The following AHNAK variants were observed in gnomAD, a reference collection of about 807,000 sequenced individuals.
AHNAK encodes AHNAK nucleoprotein, also known as neuroblast differentiation-associated protein AHNAK.
Under a neutral mutation model 37.8 loss-of-function variants are expected in AHNAK, and 23 were observed. The ratio of observed to expected loss-of-function variants is 0.61; its 90% CI spans 0.44 to 0.86. AHNAK has a LOEUF of 0.86. Among genes scored for constraint, AHNAK ranks in the 40% least tolerant of loss-of-function variants. AHNAK has a pLI of 0.00. For missense variants in AHNAK, 7,411 were observed against 7,319.4 expected (o/e 1.01, Z -0.46); for synonymous variants, 2,481 against 2,636.3 (o/e 0.94, Z 1.80).
chr11:62,513,114 C>T (rs1033556725), downstream of AHNAK, among the ~76,000 whole-genome samples: 1 of 152,222 alleles, frequency 6.6e-6, no homozygotes, highest in African/African-American at 2.4e-5. Context: ...GCAATTGCTC[C>T]TTGCTGAACT....
At chr11:62,502,227 G>A (rs1225330833) in intron 4 of AHNAK, among the ~76,000 whole-genome samples, 1 of 152,150 alleles carries the variant, frequency 6.6e-6, no homozygotes, top group East Asian at 1.9e-4. Flanking sequence ...CCTGGGGGCT[G>A]GAATGGTGTC....
At chr11:62,496,981 G>A (rs1471806002) in intron 4 of AHNAK, among the ~76,000 whole-genome samples, 2 of 152,122 alleles carry the variant, frequency 1.3e-5, no homozygotes, top group African/African-American at 4.8e-5. Context: ...AATTGCCAAG[G>A]AATTAAATGG....
At chr11:62,485,271 G>A (rs1282089468) in intron 5 of AHNAK, among the ~76,000 whole-genome samples, 2 of 152,100 alleles carry the variant, frequency 1.3e-5, no homozygotes, top group Non-Finnish European at 2.9e-5. Context: ...GCATGGTGAT[G>A]CATGCCTGTA....
chr11:62,533,105 T>C lies in AHNAK; in HGVS notation c.1312A>G (p.Lys438Glu), dbSNP rs1297833009. 9 of 1,584,274 alleles carry C rather than the reference T, an allele frequency of 5.7e-6. No individual in the cohort carries two copies. The Admixed American group carries it at 1.5e-4, about 26-fold the overall frequency. ...KLNVPKMKVP[K>E]FSVSGAKGEE... ...CCCTTTGCACCTGATACAGAGAACT[T>C]GGGGACTTTCATCTTGGGCACATTC... Residue 438 changes from lysine to glutamate, a missense_variant, in exon 5 of 5, where the codon AAG (lysine) becomes GAG (glutamate). Physicochemically the swap from Lys to Glu is moderately conservative, Grantham distance 56. Transcript: ENST00000378024.
intron 5 of AHNAK, among the ~76,000 whole-genome samples, chr11:62,463,613 C>CT (rs1938838171): frequency 6.6e-6 from 1 of 152,184 alleles, no homozygotes; most frequent in South Asian, 2.1e-4. Context: ...ACTGTGCGTG[C>CT]TGTCAGGCCT....
intron 5 of AHNAK, among the ~76,000 whole-genome samples, chr11:62,471,623 T>C (rs1488411277): frequency 6.6e-6 from 1 of 152,180 alleles, no homozygotes. Flanking sequence ...GGATTTCGGA[T>C]TTTTGGATTA....
Position 62,524,771 on chromosome 11 carries a change from C to G in AHNAK, c.9646G>C (p.Ala3216Pro), listed in dbSNP as rs779227057. Residue 3216 changes from alanine (A) to proline (P), a missense_variant, in exon 5 of 5, where the codon GCT becomes CCT. Physicochemically the swap from Ala to Pro is conservative, Grantham distance 27. Coordinates refer to ENST00000378024, the MANE Select transcript of AHNAK (RefSeq NM_001620.3). ...AAATCAGGCATTGATATTTTAGGAG[C>G]TTTGATGTTCATCTCTGGCATCTTG... ...KFKMPEMNIK[A>P]PKISMPDLDL... is the part of the protein sequence containing the mutation. The G allele has an allele frequency of 9.9e-6, 16 of 1,614,148 alleles. No homozygotes were observed. The highest frequency in any genetic ancestry group is 1.1e-5 in the Non-Finnish European group (13 of 1,180,014).
Position 62,531,380 on chromosome 11 carries a change from C to T in AHNAK, c.3037G>A (p.Gly1013Arg). ...TTCACATCAAATTCTGGCCCCTCTC[C>T]TTTGAGGCTGGGCATGCTAAATTTG... ...MPKFSMPSLK[G>R]EGPEFDVNLS... Residue 1013 changes from glycine to arginine, a missense_variant, in exon 5 of 5, where the codon GGA becomes AGA. Gly to Arg is a moderately radical substitution (Grantham distance 125). Transcript: ENST00000378024. 1.9e-6 allele frequency: 3 copies of T among 1,614,152 alleles called. No individual in the cohort carries two copies. Among genetic ancestry groups the T allele is most frequent in the African/African-American group, 1.3e-5 (1 of 75,000 alleles).
downstream of AHNAK, among the ~76,000 whole-genome samples, chr11:62,514,970 G>C (rs1939980991): frequency 6.6e-6 from 1 of 152,166 alleles, no homozygotes; most frequent in South Asian, 2.1e-4. Context: ...GAGAGGTGCA[G>C]AGCTGCCTCC....
At chr11:62,438,181 C>CT (rs777083537) in intron 5 of AHNAK, among the ~76,000 whole-genome samples, 6,651 of 126,192 alleles carry the variant, frequency 0.053, 239 homozygotes, top group African/African-American at 0.092. Context: ...TTCTTTCTCT[C>CT]TTTTTTTTTT....
intron 4 of AHNAK, among the ~76,000 whole-genome samples, chr11:62,492,637 G>T (rs1289586571): frequency 6.6e-6 from 1 of 152,142 alleles, no homozygotes; most frequent in Non-Finnish European, 1.5e-5. Flanking sequence ...CAGAGGCTGA[G>T]GCAAGAGGAT....
Position 62,520,486 on chromosome 11 carries a change from T to C in AHNAK, c.13931A>G (p.Gln4644Arg). Residue 4644 changes from glutamine to arginine, a missense_variant, in exon 5 of 5, where the codon CAA becomes CGA. Gln to Arg is a conservative substitution (Grantham distance 43). Transcript: ENST00000378024. ...CATTTTTAGGTGCCAGTCTGGGCCT[T>C]GAACGTCCACATCTGGGACATCAAT... ...VDIDVPDVDV[Q>R]GPDWHLKMPK... The C allele has an allele frequency of 6.2e-7, 1 of 1,614,146 alleles. No individual in the cohort carries two copies. The highest frequency in any genetic ancestry group is 8.5e-7 in the Non-Finnish European group (1 of 1,180,032).
chr11:62,534,473 G>C (rs1940879164), intron 4 of AHNAK, among the ~76,000 whole-genome samples: 2 of 152,188 alleles, frequency 1.3e-5, no homozygotes, highest in Non-Finnish European at 2.9e-5. Context: ...CTTCTCAGAG[G>C]CCCTTGGACC....
At position 62,527,878 on chromosome 11, in the gene AHNAK, T is replaced by C. The variant is rs200438956; in HGVS notation, c.6539A>G (p.Lys2180Arg). 150 of 1,613,896 alleles carry C rather than the reference T, an allele frequency of 9.3e-5. 1 individual carries two copies. The Admixed American group carries it at 1.6e-3, about 17-fold the overall frequency. ...PKFKMPEMHF[K>R]TPKISMPDVN... ...ATCAGGCATGGAGATCTTGGGGGTCTTGAAGTGCATCTCAGGCATCTTAAA... is the reference window on the plus strand; with the variant it reads ...ATCAGGCATGGAGATCTTGGGGGTCCTGAAGTGCATCTCAGGCATCTTAAA... The change falls in exon 5 of 5, where the codon AAG becomes AGG. Residue 2180 changes from lysine to arginine, a missense_variant. Transcript: ENST00000378024.
chr11:62,532,341 G>C lies in AHNAK; in HGVS notation c.2076C>G (p.Val692=), dbSNP rs748033905. 5.0e-6 allele frequency: 8 copies of C among 1,614,120 alleles called. No homozygotes were observed. The highest frequency in any genetic ancestry group is 6.8e-6 in the Non-Finnish European group (8 of 1,180,042). Residue 692 remains valine (V), a synonymous_variant, in exon 5 of 5, where the codon GTC becomes GTG. Transcript: ENST00000378024. ...GPDVKLPDMS[V]KTPKISMPDV... ...CAGGCATGGAGATCTTTGGTGTCTT[G>C]ACACTCATATCAGGCAGCTTAACAT...
rs764643807 is a variant in AHNAK at position 62,520,022 on chromosome 11, C to G, written c.14395G>C (p.Asp4799His). Reference protein sequence around the residue: ...SMPGFKGEGPDVDVSLPKADI... With the variant: ...SMPGFKGEGPHVDVSLPKADI... ...GCCTTGGGCAGGCTCACATCCACAT[C>G]TGGACCTTCTCCTTTGAAGCCAGGC... The change falls in exon 5 of 5, where the codon GAT becomes CAT. Residue 4799 changes from aspartate to histidine, a missense_variant. Physicochemically the swap from Asp to His is moderately conservative, Grantham distance 81. Transcript: ENST00000378024. 1.7e-5 allele frequency: 27 copies of G among 1,613,568 alleles called. No homozygotes were observed. In the East Asian group the frequency reaches 5.6e-4, roughly 33 times the overall value.
Position 62,521,417 on chromosome 11 carries a change from G to A in AHNAK, c.13000C>T (p.Pro4334Ser), listed in dbSNP as rs752903497. The change falls in exon 5 of 5, where the codon CCA (proline) becomes TCA (serine). Residue 4334 changes from proline to serine, a missense_variant. Coordinates refer to ENST00000378024, the MANE Select transcript of AHNAK (RefSeq NM_001620.3). ...FSMPGFKGEG[P>S]DVDVTLPKAD... is the part of the protein sequence containing the mutation. ...TTAGGAAGGGTAACATCCACATCTG[G>A]GCCCTCTCCTTTGAATCCTGGCATG... is the stretch of plus-strand genomic sequence containing the variant. 1.2e-6 allele frequency: 2 copies of A among 1,613,966 alleles called. No homozygotes were observed. Among genetic ancestry groups the A allele is most frequent in the South Asian group, 2.2e-5 (2 of 91,066 alleles).
chr11:62,527,434 C>A lies in AHNAK; in HGVS notation c.6983G>T (p.Gly2328Val). The change falls in exon 5 of 5, where the codon GGA (glycine) becomes GTA (valine). Residue 2328 changes from glycine (G) to valine (V), a missense_variant. Gly to Val is a moderately radical substitution (Grantham distance 109, BLOSUM62 -3). Transcript: ENST00000378024. Reference sequence around the variant, plus strand: ...CTTTGGGGCAGAAACATCAACATCTCCTTTGATTTTGGGTCCCTTTAAATT... The same window carrying A: ...CTTTGGGGCAGAAACATCAACATCTACTTTGATTTTGGGTCCCTTTAAATT... ...DFNLKGPKIK[G>V]DVDVSAPKLE... is the part of the protein sequence containing the mutation. 6.2e-7 allele frequency: 1 copy of A among 1,614,146 alleles called. No individual in the cohort carries two copies. The highest frequency in any genetic ancestry group is 1.1e-5 in the South Asian group (1 of 91,082).
At chr11:62,489,380 G>C (rs1347093118) in intron 5 of AHNAK, among the ~76,000 whole-genome samples, 2 of 152,142 alleles carry the variant, frequency 1.3e-5, no homozygotes, top group African/African-American at 4.8e-5. Context: ...ATCTTTGGGT[G>C]CTGAGCCAAG....
Sources: allele counts gnomAD v4.1 joint callset (sites outside exome capture counted in the v4.1 genomes callset), GRCh38; gene constraint gnomAD v4.1.1; transcripts MANE v1.5; gene names NCBI Gene and HGNC (gene_info 2026-07-23, HGNC 2026-07-21).